Variants in TEX2 observed in about 807,000 individuals in gnomAD.
TEX2 encodes the protein testis expressed 2.
Under a neutral mutation model 106.9 loss-of-function variants are expected in TEX2, and 53 were observed. That is an observed-to-expected ratio of 0.50 (90% confidence interval 0.40 to 0.62). The LOEUF is 0.62. TEX2 is among the 20% of genes least tolerant of loss of function. TEX2 has a pLI of 0.00. For missense variants in TEX2, 1,207 were observed against 1,379.0 expected (o/e 0.88, Z 1.98); for synonymous variants, 523 against 534.8 (o/e 0.98, Z 0.30).
intron 1 of TEX2, among the ~76,000 whole-genome samples, chr17:64,234,412 C>T (rs2033723148): frequency 6.6e-6 from 1 of 152,142 alleles, no homozygotes; most frequent in South Asian, 2.1e-4. Flanking sequence ...TTTCTTCCAG[C>T]TTATGTGAGT....
chr17:64,154,819 C>T (rs750725949), intron 9 of TEX2, 23 bp downstream of exon 9: 7 of 1,554,854 alleles, frequency 4.5e-6, no homozygotes, highest in African/African-American at 2.8e-5. Flanking sequence ...GACTCAGAGG[C>T]ACAGAAGCAC....
intron 8 of TEX2, among the ~76,000 whole-genome samples, chr17:64,159,079 CAG>C (rs2030765136): frequency 1.3e-5 from 2 of 152,174 alleles, no homozygotes; most frequent in African/African-American, 4.8e-5. Context: ...TCTGATCGGC[CAG>C]AGTTTATGAA....
intron 1 of TEX2, among the ~76,000 whole-genome samples, chr17:64,247,275 AAAAAAG>A (rs2034006589): frequency 6.6e-6 from 1 of 151,898 alleles, no homozygotes; most frequent in Admixed American, 6.5e-5. Flanking sequence ...TCTCAAAAAA[AAAAAAG>A]AAAAAGAAAA....
Position 64,153,537 on chromosome 17 carries a change from CT to C in TEX2, c.2931-384del, listed in dbSNP as rs1432019602. ...ATGCAGAGGTTTCTCACCTGTCCTCCTTTATACTACTCCAATACCAGACAGA... is the reference window on the plus strand; with the variant it reads ...ATGCAGAGGTTTCTCACCTGTCCTCCTTATACTACTCCAATACCAGACAGA... On this transcript the variant is annotated intron_variant, in intron 9 of 11. Transcript: ENST00000584379. The surrounding 1 kb of genome is among the most constrained non-coding windows in gnomAD (Gnocchi z 4.1). 6.6e-6 allele frequency among the ~76,000 whole-genome samples: 1 copy of C among 152,200 alleles called. No homozygotes were observed. Among genetic ancestry groups the C allele is most frequent in the African/African-American group, 2.4e-5 (1 of 41,444 alleles).
In TEX2 at chr17:64,210,634, C is replaced by CTTTTTTT. The variant is rs58313195; in HGVS notation, c.1644+1933_1644+1939dup. Among the ~76,000 whole-genome samples, 43 of 74,756 alleles carry CTTTTTTT rather than the reference C, an allele frequency of 5.8e-4. 4 individuals are homozygous for CTTTTTTT. The highest frequency in any genetic ancestry group is 2.4e-3 in the African/African-American group (42 of 17,324). The allele number at this position is 74,756 out of a possible 152,430, so 49.0% of individuals were successfully genotyped here. A position where few individuals can be genotyped will look rare whatever the true frequency, so the allele number is the denominator to read the frequency against. ...TAAAAGAATTCTCCCCAACCCCCAG[C>CTTTTTTT]TTTTTTTTTTTTTTTTTTTTTTTTT... is the stretch of plus-strand genomic sequence containing the variant. On this transcript the variant is annotated intron_variant, in intron 2 of 11. Transcript: ENST00000584379.
chr17:64,234,404 T>C (rs2143340926), intron 1 of TEX2, among the ~76,000 whole-genome samples: 2 of 152,330 alleles, frequency 1.3e-5, no homozygotes, highest in South Asian at 4.1e-4. Flanking sequence ...TGGGTTTTTT[T>C]CTTCCAGCTT....
intron 7 of TEX2, 27 bp downstream of exon 7, chr17:64,171,073 C>G: frequency 6.4e-7 from 1 of 1,574,072 alleles, no homozygotes; most frequent in East Asian, 2.2e-5. Context: ...TATTTTAACA[C>G]TCATAGAATG....
At chr17:64,190,274 T>C (rs2032247138) in intron 4 of TEX2, among the ~76,000 whole-genome samples, 2 of 152,078 alleles carry the variant, frequency 1.3e-5, no homozygotes. Context: ...CATTAAAAAA[T>C]AGATGTAAAC....
chr17:64,225,140 A>C (rs2033470405), intron 1 of TEX2, among the ~76,000 whole-genome samples: 1 of 151,994 alleles, frequency 6.6e-6, no homozygotes, highest in African/African-American at 2.4e-5. Context: ...GTGTCTTAGA[A>C]GGAGGATATG....
chr17:64,259,507 A>G (rs1465195201), intron 1 of TEX2, among the ~76,000 whole-genome samples: 3 of 152,246 alleles, frequency 2.0e-5, no homozygotes, highest in Admixed American at 6.5e-5. Flanking sequence ...ATAGGAAGAC[A>G]AAGGGAGCTG....
chr17:64,184,244 T>C (rs1464866354), intron 5 of TEX2, among the ~76,000 whole-genome samples: 1 of 152,034 alleles, frequency 6.6e-6, no homozygotes, highest in East Asian at 1.9e-4. Context: ...TGCAGGCACA[T>C]GCCACTATGT....
In TEX2 at chr17:64,213,770, C is replaced by T. The variant is rs1555632167; in HGVS notation, c.448G>A (p.Val150Met). ...SSGPLASSPS[V>M]SSLSEQKTSS... ...GTTTTCTGCTCAGAAAGGGATGACA[C>T]ACTGGGAGAGCTAGCTAAGGGCCCC... Residue 150 changes from valine (V) to methionine (M), a missense_variant, in exon 2 of 12, where the codon GTG becomes ATG. Val to Met is a conservative substitution (Grantham distance 21). This residue lies in a region of TEX2 where 1,067 missense variants were observed against 1,193.6 expected (regional missense o/e 0.89). Transcript: ENST00000584379. This position sits in a 1 kb window ranked among gnomAD's most constrained non-coding sequence, Gnocchi z 4.4. 6.2e-7 allele frequency: 1 copy of T among 1,614,156 alleles called. No individual in the cohort carries two copies. The highest frequency in any genetic ancestry group is 1.7e-5 in the Admixed American group (1 of 60,016).
intron 1 of TEX2, chr17:64,239,100 A>G (rs957245331): frequency 6.6e-6 from 1 of 152,234 alleles, no homozygotes; most frequent in South Asian, 2.1e-4. Flanking sequence ...TTGCCATGGC[A>G]TAACTACTAA....
chr17:64,228,221 T>G (rs1555634141), intron 1 of TEX2, among the ~76,000 whole-genome samples: 1 of 152,146 alleles, frequency 6.6e-6, no homozygotes, highest in African/African-American at 2.4e-5. Flanking sequence ...AGAGGAAAAG[T>G]GAAATTTTCT....
At chr17:64,260,204 G>A (rs2034265830) in intron 1 of TEX2, among the ~76,000 whole-genome samples, 1 of 152,226 alleles carries the variant, frequency 6.6e-6, no homozygotes, top group East Asian at 1.9e-4. Context: ...GAGCTCATTA[G>A]TGCAGCAATT....
intron 1 of TEX2, among the ~76,000 whole-genome samples, chr17:64,235,227 G>A (rs1445191405): frequency 6.6e-6 from 1 of 152,210 alleles, no homozygotes; most frequent in Non-Finnish European, 1.5e-5. Context: ...AAAAGAAAGT[G>A]GTTTAGGCAA....
intron 2 of TEX2, among the ~76,000 whole-genome samples, chr17:64,204,368 C>T (rs1555630518): frequency 6.6e-6 from 1 of 152,150 alleles, no homozygotes; most frequent in African/African-American, 2.4e-5. Context: ...AGGCACAATA[C>T]ATACACTCAA....
At chr17:64,182,912 T>G (rs1424416659) in intron 5 of TEX2, among the ~76,000 whole-genome samples, 1 of 145,662 alleles carries the variant, frequency 6.9e-6, no homozygotes, top group Non-Finnish European at 1.5e-5. Flanking sequence ...TTGTTGTGTT[T>G]TTTTTTTTTT....
intron 4 of TEX2, among the ~76,000 whole-genome samples, chr17:64,189,684 G>C (rs536099318): frequency 6.6e-6 from 1 of 152,226 alleles, no homozygotes; most frequent in African/African-American, 2.4e-5. Context: ...AACGTAAAGT[G>C]GTTAAAATCA....
Sources: gnomAD v4.1 joint callset for allele counts (sites outside exome capture counted in the v4.1 genomes callset) on GRCh38, gnomAD v4.1.1 for gene constraint, gnomAD v4.1.1 regional missense constraint, Gnocchi (gnomAD v3.1) non-coding constraint, MANE v1.5 for transcripts, NCBI Gene and HGNC (gene_info 2026-07-23, HGNC 2026-07-21) for gene names.